Variants in CEP72 observed in about 807,000 individuals in gnomAD.
CEP72 encodes centrosomal protein 72, also known as centrosomal protein of 72 kDa.
A neutral mutation model predicts 65.7 loss-of-function variants in CEP72; 78 were observed. The ratio of observed to expected loss-of-function variants is 1.19; its 90% CI spans 0.99 to 1.43. The LOEUF is 1.43. Among genes scored for constraint, CEP72 ranks in the 40% most tolerant of loss-of-function variants. The pLI is 0.00. For missense variants in CEP72, 914 were observed against 832.9 expected (o/e 1.10, Z -1.20); for synonymous variants, 358 against 351.7 (o/e 1.02, Z -0.20).
chr5:671,692 T>C (rs1171704328), downstream of CEP72, among the ~76,000 whole-genome samples: 1 of 152,186 alleles, frequency 6.6e-6, no homozygotes, highest in Non-Finnish European at 1.5e-5. Context: ...CAGACGTCCA[T>C]GGCCAAGGGT....
At chr5:639,277 C>G in intron 8 of CEP72, 53 bp downstream of exon 8, 1 of 1,513,312 alleles carries the variant, frequency 6.6e-7, no homozygotes. Flanking sequence ...TGTGTGGGTT[C>G]CGGGGTCCTC....
At chr5:672,267 GGAGC>G in the CEP72 span, among the ~76,000 whole-genome samples, 1 of 152,166 alleles carries the variant, frequency 6.6e-6, no homozygotes. Context: ...CAGACCCCAG[GGAGC>G]CTGGCCCTGC....
downstream of CEP72, among the ~76,000 whole-genome samples, chr5:667,915 TACCGACAAGCACACAGAGA>T (rs1331675155): frequency 1.6e-5 from 1 of 64,120 alleles, no homozygotes. Context: ...GTCAGGGAAG[TACCGACAAGCACACAGAGA>T]GGGGGCCGTG....
At chr5:646,594 G>C (rs1441124974) in intron 10 of CEP72, among the ~76,000 whole-genome samples, 1 of 152,114 alleles carries the variant, frequency 6.6e-6, no homozygotes, top group Non-Finnish European at 1.5e-5. Flanking sequence ...CACACCAGCT[G>C]TTCCTCTTGG....
intron 6 of CEP72, 145 bp from the exon 7 acceptor site, chr5:637,372 A>G (rs1432757811): frequency 2.9e-6 from 2 of 679,840 alleles, no homozygotes; most frequent in Non-Finnish European, 5.1e-6. Context: ...GCACGTGGAT[A>G]GGTGTGCGTG....
intron 9 of CEP72, among the ~76,000 whole-genome samples, chr5:643,968 A>G (rs1183129391): frequency 3.9e-5 from 6 of 152,154 alleles, no homozygotes; most frequent in Non-Finnish European, 7.4e-5. Flanking sequence ...GGTTCCCCCA[A>G]CCGCCACCAG....
intron 11 of CEP72, among the ~76,000 whole-genome samples, chr5:651,481 A>C (rs1484632414): frequency 6.6e-6 from 1 of 151,948 alleles, no homozygotes; most frequent in Non-Finnish European, 1.5e-5. Flanking sequence ...CGGCGGGGCA[A>C]CCTGGTTCCC....
chr5:640,283 C>A, intron 8 of CEP72, 125 bp from the exon 9 acceptor site: 2 of 1,324,560 alleles, frequency 1.5e-6, no homozygotes, highest in Non-Finnish European at 2.1e-6. Context: ...CACCCCTTTC[C>A]CCTCTCCCTA....
At chr5:625,574 C>A (rs1202820528) in intron 4 of CEP72, among the ~76,000 whole-genome samples, 1 of 152,228 alleles carries the variant, frequency 6.6e-6, no homozygotes, top group Non-Finnish European at 1.5e-5. Flanking sequence ...TTGCTGACTT[C>A]TCTTCCAGTG....
intron 1 of CEP72, among the ~76,000 whole-genome samples, chr5:617,722 G>A (rs900027818): frequency 1.3e-5 from 2 of 152,182 alleles, no homozygotes; most frequent in East Asian, 1.9e-4. Flanking sequence ...GGTTTTAGCC[G>A]GATGTGGTGG....
intron 3 of CEP72, among the ~76,000 whole-genome samples, chr5:622,035 A>G (rs951829520): frequency 5.3e-5 from 8 of 152,204 alleles, no homozygotes; most frequent in Non-Finnish European, 1.0e-4. Flanking sequence ...TGGCCTCCCA[A>G]AGTGCTGGGA....
intron 6 of CEP72, among the ~76,000 whole-genome samples, chr5:635,928 A>C (rs13167141): frequency 0.048 from 4,554 of 95,148 alleles, no homozygotes; most frequent in East Asian, 0.1. Flanking sequence ...CGCCTCCCTG[A>C]GGGTTGGCCC....
At chr5:656,197 G>A (rs753867494), downstream of CEP72, among the ~76,000 whole-genome samples, 1 of 152,132 alleles carries the variant, frequency 6.6e-6, no homozygotes, top group Non-Finnish European at 1.5e-5. Context: ...CTCTGTGTCC[G>A]TTTCTGCATC....
intron 1 of CEP72, 174 bp downstream of exon 1, chr5:612,617 C>T: frequency 2.0e-6 from 2 of 985,338 alleles, no homozygotes; most frequent in African/African-American, 3.5e-5. Context: ...CGACCCACCC[C>T]CCGTGCCCAG....
chr5:635,894 C>T lies in CEP72; in HGVS notation c.904+310C>T, dbSNP rs1400067198. 2.6e-5 allele frequency among the ~76,000 whole-genome samples: 4 copies of T among 151,986 alleles called. No homozygotes were observed. In the East Asian group the frequency reaches 7.7e-4, roughly 29 times the overall value. ...TTCCAGACTCATCCTTTATCAGGAACCCAGCCCTGCGATACAGCATTCCCG... is the reference window on the plus strand; with the variant it reads ...TTCCAGACTCATCCTTTATCAGGAATCCAGCCCTGCGATACAGCATTCCCG... On this transcript the variant is annotated intron_variant, in intron 6 of 11. Coordinates refer to ENST00000264935, the MANE Select transcript of CEP72 (RefSeq NM_018140.4).
chr5:665,196 T>C, exon 3 of CEP72: 1 of 1,611,312 alleles, frequency 6.2e-7, no homozygotes, highest in Non-Finnish European at 8.5e-7. Flanking sequence ...GCGGCCAGCC[T>C]TGCCCTTGCC....
At position 640,913 on chromosome 5, in the gene CEP72, C is replaced by T. The variant is rs1012549687; in HGVS notation, c.1539+309C>T. The T allele has an allele frequency of 1.2e-5, 12 of 985,364 alleles. No homozygotes were observed. The South Asian group carries it at 2.3e-4, about 19-fold the overall frequency. 61.0% of individuals were successfully genotyped at this position (985,364 alleles called of 1,614,324 possible). A position where few individuals can be genotyped will look rare whatever the true frequency, so the allele number is the denominator to read the frequency against. ...CAGGCCTGGACGTGACTTTGTCTTG[C>T]TGACCCATCTCTCAGGGCCTCGAAC... On this transcript the variant is annotated intron_variant, in intron 9 of 11. Transcript: ENST00000264935.
At chr5:637,864 T>C in intron 7 of CEP72, 46 bp downstream of exon 7, 2 of 1,455,880 alleles carry the variant, frequency 1.4e-6, no homozygotes, top group Non-Finnish European at 1.8e-6. Context: ...ACTGCCTCCC[T>C]AATGTGGGGC....
In CEP72 at chr5:624,427, C is replaced by T. The variant is rs749113231; in HGVS notation, c.404-44C>T. 27 of 1,479,214 alleles carry T rather than the reference C, an allele frequency of 1.8e-5. No individual in the cohort carries two copies. The highest frequency in any genetic ancestry group is 1.7e-4 in the African/African-American group (12 of 72,076). The allele number at this position is 1,479,214 out of a possible 1,614,324, so 91.6% of individuals were successfully genotyped here. ...ATGCCCCAGGGTGGATGCAGCCGCCCGCCGCTTGCCACCTGCACAGTCTTG... is the reference window on the plus strand; with the variant it reads ...ATGCCCCAGGGTGGATGCAGCCGCCTGCCGCTTGCCACCTGCACAGTCTTG... On this transcript the variant is annotated intron_variant, in intron 3 of 11. Transcript: ENST00000264935. The surrounding 1 kb of genome is among the most constrained non-coding windows in gnomAD (Gnocchi z 4.7).
Sources: gnomAD v4.1 joint callset for allele counts (sites outside exome capture counted in the v4.1 genomes callset) on GRCh38, gnomAD v4.1.1 for gene constraint, Gnocchi (gnomAD v3.1) non-coding constraint, MANE v1.5 for transcripts, NCBI Gene and HGNC (gene_info 2026-07-23, HGNC 2026-07-21) for gene names.